SND1: variants seen among roughly 807,000 people sequenced by gnomAD.
SND1 encodes staphylococcal nuclease domain-containing protein 1.
In SND1, 38 loss-of-function variants were observed where a neutral mutation model predicts 121.7. That is an observed-to-expected ratio of 0.31 (90% CI 0.24 to 0.41). The LOEUF (loss-of-function observed/expected upper bound fraction) is 0.41. Among genes scored for constraint, SND1 ranks in the 10% least tolerant of loss-of-function variants. SND1 has a pLI of 1.00. For synonymous variants in SND1, 401 were observed against 447.4 expected (o/e 0.90, Z 1.31); for missense variants, 868 against 1,184.6 (o/e 0.73, Z 3.92).
At chr7:127,808,433 G>A (rs1459317108) in intron 11 of SND1, among the ~76,000 whole-genome samples, 2 of 152,178 alleles carry the variant, frequency 1.3e-5, no homozygotes, top group Non-Finnish European at 2.9e-5. Flanking sequence ...CCAAAGTGCT[G>A]GGATTACAGG....
intron 11 of SND1, among the ~76,000 whole-genome samples, chr7:127,821,192 T>A (rs1798540363): frequency 6.6e-6 from 1 of 152,236 alleles, no homozygotes; most frequent in Non-Finnish European, 1.5e-5. Flanking sequence ...TTCCTCTTAG[T>A]CCAGGTTTCC....
At chr7:127,995,490 G>A (rs1802626982) in intron 16 of SND1, among the ~76,000 whole-genome samples, 1 of 152,212 alleles carries the variant, frequency 6.6e-6, no homozygotes, top group African/African-American at 2.4e-5. Flanking sequence ...TAGCTAATGG[G>A]TAAATAACTG....
chr7:128,019,259 T>C (rs962679353), intron 16 of SND1, among the ~76,000 whole-genome samples: 1 of 152,240 alleles, frequency 6.6e-6, no homozygotes, highest in African/African-American at 2.4e-5. Context: ...CTAAGTCAGC[T>C]GTACCAAGCC....
intron 16 of SND1, among the ~76,000 whole-genome samples, chr7:127,991,883 GC>G (rs1483283424): frequency 6.6e-6 from 1 of 152,180 alleles, no homozygotes; most frequent in African/African-American, 2.4e-5. Context: ...GTAAGCTTCA[GC>G]CTCTCAAGCT....
At chr7:127,688,969 G>C (rs577646894) in intron 2 of SND1, among the ~76,000 whole-genome samples, 1 of 152,268 alleles carries the variant, frequency 6.6e-6, no homozygotes, top group African/African-American at 2.4e-5. Flanking sequence ...CAATGGTATA[G>C]ATAATAGAGA....
At chr7:127,754,686 A>G (rs765485849) in intron 10 of SND1, among the ~76,000 whole-genome samples, 1 of 152,222 alleles carries the variant, frequency 6.6e-6, no homozygotes, top group Non-Finnish European at 1.5e-5. Context: ...CATGGCCAAG[A>G]CCAGCAGTGG....
At chr7:127,872,628 GCACACA>G (rs56324746) in intron 12 of SND1, among the ~76,000 whole-genome samples, 12,777 of 139,772 alleles carry the variant, frequency 0.091, 806 homozygotes, top group African/African-American at 0.17. Context: ...TAACACACAC[GCACACA>G]CACACACACA....
chr7:127,707,584 A>G lies in SND1; in HGVS notation c.975A>G (p.Ile325Met), dbSNP rs1290001407. ...TTGCCAAAGAGCGCAGGCTGAGAAT[A>G]TGGAGAGACTATGTGGCTCCCACAG... ...ERFAKERRLRIWRDYVAPTAN... is the reference protein window; with the variant it reads ...ERFAKERRLRMWRDYVAPTAN... Residue 325 changes from isoleucine (I) to methionine (M), a missense_variant, in exon 9 of 24, where the codon ATA becomes ATG. Ile to Met is a conservative substitution (Grantham distance 10, BLOSUM62 1). Transcript: ENST00000354725. 6.2e-7 allele frequency: 1 copy of G among 1,614,042 alleles called. No homozygotes were observed. The highest frequency in any genetic ancestry group is 8.5e-7 in the Non-Finnish European group (1 of 1,179,996).
chr7:127,820,010 C>T (rs1174710885), intron 11 of SND1, among the ~76,000 whole-genome samples: 2 of 152,086 alleles, frequency 1.3e-5, no homozygotes, highest in African/African-American at 4.8e-5. Context: ...CTTAATCACC[C>T]ATTATGCCCG....
At chr7:127,924,159 A>G (rs1005372120) in intron 14 of SND1, among the ~76,000 whole-genome samples, 1 of 152,040 alleles carries the variant, frequency 6.6e-6, no homozygotes, top group African/African-American at 2.4e-5. Flanking sequence ...TGGGATGGGC[A>G]GTAGAGCATA....
chr7:127,794,745 G>T (rs1797983634), intron 10 of SND1, among the ~76,000 whole-genome samples: 1 of 152,202 alleles, frequency 6.6e-6, no homozygotes, highest in Non-Finnish European at 1.5e-5. Flanking sequence ...AAGTAACGGG[G>T]TTGTCTCTTC....
intron 10 of SND1, among the ~76,000 whole-genome samples, chr7:127,762,686 G>A (rs1316730681): frequency 6.6e-6 from 1 of 152,204 alleles, no homozygotes; most frequent in Admixed American, 6.5e-5. Flanking sequence ...CTGCAACTAT[G>A]ACTGAAACTC....
intron 10 of SND1, among the ~76,000 whole-genome samples, chr7:127,788,479 C>T (rs6467150): frequency 0.95 from 143,954 of 152,330 alleles, 68,460 homozygotes; most frequent in Non-Finnish European, 1. Context: ...TTAATAAAGT[C>T]GATTTTCACT....
intron 7 of SND1, 121 bp downstream of exon 7, chr7:127,703,444 T>A: frequency 1.0e-5 from 12 of 1,201,802 alleles, no homozygotes; most frequent in Non-Finnish European, 1.4e-5. Flanking sequence ...CCAGTTGTGG[T>A]GGCTCACGCC....
At chr7:127,760,646 A>G (rs1267450548) in intron 10 of SND1, among the ~76,000 whole-genome samples, 1 of 152,222 alleles carries the variant, frequency 6.6e-6, no homozygotes, top group Non-Finnish European at 1.5e-5. Context: ...AGAGTCTAAA[A>G]AGGCACCTCT....
intron 10 of SND1, among the ~76,000 whole-genome samples, chr7:127,805,234 A>G (rs1325356396): frequency 1.3e-5 from 2 of 152,076 alleles, no homozygotes; most frequent in South Asian, 2.1e-4. Flanking sequence ...GAAAACCTCA[A>G]TGTTATTTTG....
intron 1 of SND1, among the ~76,000 whole-genome samples, chr7:127,657,485 G>T (rs2116224465): frequency 6.6e-6 from 1 of 152,218 alleles, no homozygotes; most frequent in South Asian, 2.1e-4. Context: ...CACCATTGAT[G>T]ATTTATTTTT....
chr7:127,781,160 A>G (rs1797712854), intron 10 of SND1, among the ~76,000 whole-genome samples: 1 of 152,202 alleles, frequency 6.6e-6, no homozygotes, highest in African/African-American at 2.4e-5. Flanking sequence ...AGGAACATGG[A>G]GAAGATTTTA....
At chr7:128,028,962 A>C (rs1352300126) in intron 16 of SND1, 1 of 1,608,818 alleles carries the variant, frequency 6.2e-7, no homozygotes, top group Non-Finnish European at 8.5e-7. Flanking sequence ...GGCGGCTGTG[A>C]CTGTACTCCG....
Sources: gnomAD v4.1 joint callset for allele counts (sites outside exome capture counted in the v4.1 genomes callset) on GRCh38, gnomAD v4.1.1 for gene constraint, MANE v1.5 for transcripts, NCBI Gene and HGNC (gene_info 2026-07-23, HGNC 2026-07-21) for gene names.